The following ITPR3 variants were observed in gnomAD, a reference collection of about 807,000 sequenced individuals.
ITPR3 encodes inositol 1,4,5-trisphosphate receptor type 3.
Under a neutral mutation model 293.2 loss-of-function variants are expected in ITPR3, and 173 were observed. The observed-to-expected ratio is 0.59, with a 90% CI of 0.52 to 0.67. The LOEUF is 0.67. ITPR3 is among the 30% of genes least tolerant of loss of function. ITPR3 has a pLI of 0.00. For missense variants in ITPR3, 2,796 were observed against 3,592.1 expected (o/e 0.78, Z 5.66); for synonymous variants, 1,295 against 1,444.4 (o/e 0.90, Z 2.35).
rs769456797 is a variant in ITPR3 at position 33,658,713 on chromosome 6, G to C, written c.413G>C (p.Arg138Pro). The part of the protein sequence containing the change: ...KSNKYLTVNK[R>P]LPALLEKNAM... ...AACAAGTACCTGACAGTGAACAAGC[G>C]GCTTCCGGCCTTGCTGGAGAAGAAC... Residue 138 changes from arginine to proline, a missense_variant, in exon 5 of 58, where the codon CGG (arginine) becomes CCG (proline). Arg to Pro is a moderately radical substitution (Grantham distance 103, BLOSUM62 -2). This residue lies in a region of ITPR3 where 144 missense variants were observed against 230.8 expected (regional missense o/e 0.62). Coordinates refer to ENST00000605930, the MANE Select transcript of ITPR3 (RefSeq NM_002224.4). The surrounding 1 kb of genome is among the most constrained non-coding windows in gnomAD (Gnocchi z 6.1). 6.2e-7 allele frequency: 1 copy of C among 1,614,202 alleles called. No homozygotes were observed. Among genetic ancestry groups the C allele is most frequent in the South Asian group, 1.1e-5 (1 of 91,080 alleles).
chr6:33,656,468 T>C (rs1373955854), intron 3 of ITPR3, among the ~76,000 whole-genome samples: 1 of 152,164 alleles, frequency 6.6e-6, no homozygotes, highest in African/African-American at 2.4e-5. Context: ...TCTCCCCTTG[T>C]TTTATAGAGT....
chr6:33,691,041 TCGG>T lies in ITPR3; in HGVS notation c.7159_7161del (p.Gly2387del), dbSNP rs1402762204. ...ATCCTGGTCTACCTCTTCTCCATCG[TCGG>T]CTTCCTCTTCCTCAAGGATGACTTC... is the stretch of plus-strand genomic sequence containing the variant. On this transcript the variant is annotated inframe_deletion, in exon 52 of 58. Coordinates refer to ENST00000605930, the MANE Select transcript of ITPR3 (RefSeq NM_002224.4). This position sits in a 1 kb window ranked among gnomAD's most constrained non-coding sequence, Gnocchi z 4.9. 6.2e-7 allele frequency: 1 copy of T among 1,614,176 alleles called. No homozygotes were observed. The highest frequency in any genetic ancestry group is 8.5e-7 in the Non-Finnish European group (1 of 1,180,034).
At chr6:33,663,128 A>T in intron 9 of ITPR3, 122 bp downstream of exon 9, 3 of 753,210 alleles carry the variant, frequency 4.0e-6, no homozygotes, top group Non-Finnish European at 6.7e-6. Context: ...ACTTCTCTGC[A>T]CTCATGCATT....
chr6:33,640,638 G>C, intron 2 of ITPR3, 84 bp downstream of exon 2: 1 of 1,151,898 alleles, frequency 8.7e-7, no homozygotes, highest in Non-Finnish European at 1.2e-6. Context: ...ACTGCATTCA[G>C]CCCCAGTGGC....
Position 33,665,157 on chromosome 6 carries a change from G to A in ITPR3, c.1353G>A (p.Met451Ile). 1.2e-6 allele frequency: 2 copies of A among 1,614,170 alleles called. No individual in the cohort carries two copies. The highest frequency in any genetic ancestry group is 1.7e-6 in the Non-Finnish European group (2 of 1,180,036). Reference sequence around the variant, plus strand: ...ACTTTGCCAATGACGCCAGCTCCATGCTGGCCAGTGCCGTGGAGAAACTCA... The same window carrying A: ...ACTTTGCCAATGACGCCAGCTCCATACTGGCCAGTGCCGTGGAGAAACTCA... ...DLDFANDASS[M>I]LASAVEKLNE... Residue 451 changes from methionine to isoleucine, a missense_variant, in exon 13 of 58, where the codon ATG (methionine) becomes ATA (isoleucine). By Grantham distance (10) the Met-to-Ile change is conservative. Coordinates refer to ENST00000605930, the MANE Select transcript of ITPR3 (RefSeq NM_002224.4).
chr6:33,685,094 G>A, intron 39 of ITPR3, 151 bp downstream of exon 39: 3 of 980,814 alleles, frequency 3.1e-6, no homozygotes. Flanking sequence ...TGGGCATGAT[G>A]GGGGCAGGGT....
chr6:33,687,558 T>C lies in ITPR3; in HGVS notation c.6258T>C (p.Ser2086=), dbSNP rs1190337573. 3.1e-6 allele frequency: 5 copies of C among 1,598,358 alleles called. No individual in the cohort carries two copies. The African/African-American group carries it at 5.4e-5, about 17-fold the overall frequency. The part of the protein sequence containing the change: ...RIQEEEAEGI[S]SMLSLNNKQL... ...AAGAGGAGGAGGCCGAGGGTATCTC[T>C]TCCATGGTGGGTGCTGGCCCCGAGA... The change falls in exon 46 of 58, where the codon TCT becomes TCC. Residue 2086 remains serine, a synonymous_variant. Transcript: ENST00000605930. This position sits in a 1 kb window ranked among gnomAD's most constrained non-coding sequence, Gnocchi z 5.3.
Position 33,658,056 on chromosome 6 carries a change from C to T in ITPR3, c.369+38C>T. ...TGCCTCTCTCCCGCCTGCCCCTCTC[C>T]CTGCCTAAGAGGCTGGGCTGGTGCT... is the stretch of plus-strand genomic sequence containing the variant. On this transcript the variant is annotated intron_variant, in intron 4 of 57. Coordinates refer to ENST00000605930, the MANE Select transcript of ITPR3 (RefSeq NM_002224.4). This position sits in a 1 kb window ranked among gnomAD's most constrained non-coding sequence, Gnocchi z 6.1. 1.3e-6 allele frequency: 2 copies of T among 1,571,708 alleles called. No individual in the cohort carries two copies. The highest frequency in any genetic ancestry group is 1.1e-5 in the South Asian group (1 of 89,196).
rs1211707982 is a variant in ITPR3 at position 33,679,459 on chromosome 6, A to G, written c.3973-423A>G. The stretch of plus-strand genomic sequence containing the variant: ...ACATGATGTGCTGGAACTGCTGTAC[A>G]GTGTTAGTTTTATTAATTTCTATTA... On this transcript the variant is annotated intron_variant, in intron 30 of 57. Coordinates refer to ENST00000605930, the MANE Select transcript of ITPR3 (RefSeq NM_002224.4). The surrounding 1 kb of genome is among the most constrained non-coding windows in gnomAD (Gnocchi z 4.2). Among the ~76,000 whole-genome samples, 2 of 152,250 alleles carry G rather than the reference A, an allele frequency of 1.3e-5. No individual in the cohort carries two copies. The highest frequency in any genetic ancestry group is 2.4e-5 in the African/African-American group (1 of 41,450).
At position 33,662,548 on chromosome 6, in the gene ITPR3, C is replaced by A; in HGVS notation, c.732C>A (p.Phe244Leu). 6.2e-7 allele frequency: 1 copy of A among 1,603,664 alleles called. No individual in the cohort carries two copies. The highest frequency in any genetic ancestry group is 1.1e-5 in the South Asian group (1 of 89,768). The change falls in exon 8 of 58, where the codon TTC (phenylalanine) becomes TTA (leucine). Residue 244 changes from phenylalanine (F) to leucine (L), a missense_variant. Transcript: ENST00000605930. ...TGCAGGGAGACGTGGTGCGGCTGTTCCATGCGGAGCAGGAGAAGTTCCTGA... is the reference window on the plus strand; with the variant it reads ...TGCAGGGAGACGTGGTGCGGCTGTTACATGCGGAGCAGGAGAAGTTCCTGA... Reference protein sequence around the residue: ...VLKGGDVVRLFHAEQEKFLTC... With the variant: ...VLKGGDVVRLLHAEQEKFLTC...
chr6:33,657,781 G>C, intron 3 of ITPR3, 151 bp from the exon 4 acceptor site: 1 of 626,694 alleles, frequency 1.6e-6, no homozygotes, highest in Non-Finnish European at 2.9e-6. Flanking sequence ...AAGAGCTGGG[G>C]CAGGGGTCCA....
At chr6:33,625,778 C>T (rs929840960) in intron 1 of ITPR3, among the ~76,000 whole-genome samples, 3 of 152,124 alleles carry the variant, frequency 2.0e-5, no homozygotes, top group African/African-American at 7.2e-5. Context: ...TACCTGCCAG[C>T]CTGACCTGCT....
In ITPR3 at chr6:33,662,947, C is replaced by T; in HGVS notation, c.895C>T (p.His299Tyr). ...HHDPCRGGAGHWNGLYRFKHL... is the reference protein window; with the variant it reads ...HHDPCRGGAGYWNGLYRFKHL... Reference sequence around the variant, plus strand: ...CGACCCCTGCCGTGGAGGAGCTGGGCACTGGAATGGCTTGTACCGCTTCAA... The same window carrying T: ...CGACCCCTGCCGTGGAGGAGCTGGGTACTGGAATGGCTTGTACCGCTTCAA... Residue 299 changes from histidine (H) to tyrosine (Y), a missense_variant, in exon 9 of 58, where the codon CAC (histidine) becomes TAC (tyrosine). His to Tyr is a moderately conservative substitution (Grantham distance 83, BLOSUM62 2). Around this residue, in one of 8 missense-constraint regions of ITPR3, gnomAD observed 955 missense variants for 1,180.8 expected, o/e 0.81. Transcript: ENST00000605930. 5.6e-6 allele frequency: 9 copies of T among 1,605,380 alleles called. No individual in the cohort carries two copies. Among genetic ancestry groups the T allele is most frequent in the Non-Finnish European group, 7.7e-6 (9 of 1,175,540 alleles).
chr6:33,635,560 A>G (rs1378586335), intron 1 of ITPR3, among the ~76,000 whole-genome samples: 2 of 152,256 alleles, frequency 1.3e-5, no homozygotes, highest in Non-Finnish European at 2.9e-5. Context: ...AGTAAACAAA[A>G]TAAGTAAACT....
At chr6:33,674,164 G>T in intron 23 of ITPR3, 44 bp from the exon 24 acceptor site, 1 of 1,610,834 alleles carries the variant, frequency 6.2e-7, no homozygotes. Context: ...CCTCTTTCCC[G>T]GGCTGGGCCT....
intron 2 of ITPR3, among the ~76,000 whole-genome samples, chr6:33,644,221 C>T (rs1764015071): frequency 6.6e-6 from 1 of 152,134 alleles, no homozygotes; most frequent in African/African-American, 2.4e-5. Flanking sequence ...AAGTGACACA[C>T]ACCCCATGCA....
Position 33,678,857 on chromosome 6 carries a change from G to C in ITPR3, c.3972+18G>C. ...TGACTGAGGTGAGGGCGGGGCTGAGGGGTGCTCAGGCATCTTGGGGTGGGG... is the reference window on the plus strand; with the variant it reads ...TGACTGAGGTGAGGGCGGGGCTGAGCGGTGCTCAGGCATCTTGGGGTGGGG... On this transcript the variant is annotated intron_variant, in intron 30 of 57. Transcript: ENST00000605930. 8.7e-6 allele frequency: 14 copies of C among 1,605,128 alleles called. No homozygotes were observed. The highest frequency in any genetic ancestry group is 1.2e-5 in the Non-Finnish European group (14 of 1,175,578).
At chr6:33,635,513 A>C (rs1225080173) in intron 1 of ITPR3, among the ~76,000 whole-genome samples, 1 of 152,206 alleles carries the variant, frequency 6.6e-6, no homozygotes, top group Non-Finnish European at 1.5e-5. Context: ...CTGTGCCCTC[A>C]CGGCACTTAA....
Position 33,685,549 on chromosome 6 carries a change from CAG to C in ITPR3, c.5482+19_5482+20del. On this transcript the variant is annotated intron_variant, in intron 40 of 57. Transcript: ENST00000605930. ...ACCACCAAAGGTCAGGGGTCTGAGG[CAG>C]AGGCACGGCGTGACGGGGATCCCAG... 1.9e-6 allele frequency: 3 copies of C among 1,609,124 alleles called. No individual in the cohort carries two copies. Among genetic ancestry groups the C allele is most frequent in the Non-Finnish European group, 1.7e-6 (2 of 1,176,114 alleles).
Sources: gnomAD v4.1 joint callset for allele counts (sites outside exome capture counted in the v4.1 genomes callset) on GRCh38, gnomAD v4.1.1 for gene constraint, gnomAD v4.1.1 regional missense constraint, Gnocchi (gnomAD v3.1) non-coding constraint, MANE v1.5 for transcripts, NCBI Gene and HGNC (gene_info 2026-07-23, HGNC 2026-07-21) for gene names.